The following STAT5B variants were observed in gnomAD, a reference collection of about 807,000 sequenced individuals.
The protein encoded by STAT5B is signal transducer and activator of transcription 5B.
Under a neutral mutation model 107.8 loss-of-function variants are expected in STAT5B, and 21 were observed. The ratio of observed to expected loss-of-function variants is 0.19; its 90% CI spans 0.14 to 0.28. STAT5B has a LOEUF of 0.28. Ranked by LOEUF, STAT5B falls within the 10% of genes least tolerant of loss-of-function variation. STAT5B has a pLI of 1.00. For synonymous variants in STAT5B, 325 were observed against 401.7 expected (o/e 0.81, Z 2.28); for missense variants, 565 against 1,008.2 (o/e 0.56, Z 5.95).
intron 15 of STAT5B, among the ~76,000 whole-genome samples, chr17:42,208,793 G>A (rs141225818): frequency 0.017 from 2,516 of 151,554 alleles, 31 homozygotes; most frequent in South Asian, 0.027. Flanking sequence ...GTGCAGTGGC[G>A]CGATCTCGGC....
chr17:42,256,975 A>G (rs1010085588), intron 1 of STAT5B, among the ~76,000 whole-genome samples: 3 of 151,332 alleles, frequency 2.0e-5, no homozygotes, highest in East Asian at 1.9e-4. Flanking sequence ...ATAATTATAT[A>G]TGCATAGGAA....
At chr17:42,259,536 TA>T (rs1353107450) in intron 1 of STAT5B, among the ~76,000 whole-genome samples, 1 of 151,950 alleles carries the variant, frequency 6.6e-6, no homozygotes, top group Non-Finnish European at 1.5e-5. Flanking sequence ...CCTGTAATCC[TA>T]ACAGTTTGGA....
intron 11 of STAT5B, 59 bp from the exon 12 acceptor site, chr17:42,216,165 C>CTTT: frequency 1.8e-6 from 2 of 1,129,758 alleles, no homozygotes; most frequent in Non-Finnish European, 2.4e-6. Context: ...CTCCTTCTCT[C>CTTT]TTTTTTTTTT....
chr17:42,231,424 C>A (rs1310373793), intron 2 of STAT5B, among the ~76,000 whole-genome samples: 2 of 152,156 alleles, frequency 1.3e-5, no homozygotes, highest in Non-Finnish European at 2.9e-5. Flanking sequence ...TTACAGCAAC[C>A]TTTGCCTCCC....
chr17:42,277,195 C>T (rs1403720423), upstream of STAT5B, among the ~76,000 whole-genome samples: 2 of 152,172 alleles, frequency 1.3e-5, no homozygotes, highest in Non-Finnish European at 2.9e-5. Flanking sequence ...CAGGCTGAGT[C>T]ACCCACTCTC....
At position 42,219,709 on chromosome 17, in the gene STAT5B, C is replaced by T. The variant is rs373321150; in HGVS notation, c.681+3G>A. Reference sequence around the variant, plus strand: ...CCCAGGAGAGGCCCAGGACCCCACTCACCACGCGGTACTGCTGCAGTGTCT... The same window carrying T: ...CCCAGGAGAGGCCCAGGACCCCACTTACCACGCGGTACTGCTGCAGTGTCT... On this transcript the variant is annotated splice_donor_region_variant and intron_variant, in intron 6 of 18. Coordinates refer to ENST00000293328, the MANE Select transcript of STAT5B (RefSeq NM_012448.4). 62 of 1,603,750 alleles carry T rather than the reference C, an allele frequency of 3.9e-5. No homozygotes were observed. The highest frequency in any genetic ancestry group is 4.9e-5 in the Non-Finnish European group (58 of 1,176,618).
intron 1 of STAT5B, among the ~76,000 whole-genome samples, chr17:42,247,671 G>A (rs2080462876): frequency 6.6e-6 from 1 of 152,170 alleles, no homozygotes; most frequent in Non-Finnish European, 1.5e-5. Context: ...ATCTTGGCCA[G>A]GTGTAGTGGC....
rs373036522 is a variant in STAT5B at position 42,212,113 on chromosome 17, G to A, written c.1551C>T (p.Ala517=). ...LCEALNMKFK[A]EVQSNRGLTK... Reference sequence around the variant, plus strand: ...TCAGGCCCCGGTTGCTCTGCACTTCGGCCTTGAATTTCATGTTGAGCGCCT... The same window carrying A: ...TCAGGCCCCGGTTGCTCTGCACTTCAGCCTTGAATTTCATGTTGAGCGCCT... Residue 517 remains alanine (A), a synonymous_variant, in exon 13 of 19, where the codon GCC becomes GCT. Coordinates refer to ENST00000293328, the MANE Select transcript of STAT5B (RefSeq NM_012448.4). 31 of 1,613,964 alleles carry A rather than the reference G, an allele frequency of 1.9e-5. No individual in the cohort carries two copies. The South Asian group carries it at 2.6e-4, about 14-fold the overall frequency.
the STAT5B span, among the ~76,000 whole-genome samples, chr17:42,284,781 T>C: frequency 6.6e-6 from 1 of 152,180 alleles, no homozygotes; most frequent in East Asian, 1.9e-4. Flanking sequence ...AGAAAGGTTA[T>C]ACTGAGACCC....
intron 1 of STAT5B, among the ~76,000 whole-genome samples, chr17:42,235,694 T>G (rs2040501263): frequency 6.6e-6 from 1 of 152,176 alleles, no homozygotes; most frequent in African/African-American, 2.4e-5. Flanking sequence ...GCCAGGATGG[T>G]CTTGGTCTCC....
At chr17:42,208,174 G>A (rs1052328274) in intron 15 of STAT5B, among the ~76,000 whole-genome samples, 2 of 152,082 alleles carry the variant, frequency 1.3e-5, no homozygotes, top group African/African-American at 2.4e-5. Context: ...TTACAGGCGT[G>A]AGCCACCGTG....
chr17:42,202,629 G>A, intron 17 of STAT5B, 128 bp downstream of exon 17: 1 of 1,549,932 alleles, frequency 6.5e-7, no homozygotes, highest in Admixed American at 1.7e-5. Context: ...ACCAAGCCCA[G>A]GTCCTTCCCC....
chr17:42,287,330 A>ACCCCCC, the STAT5B span, among the ~76,000 whole-genome samples: 9 of 144,520 alleles, frequency 6.2e-5, no homozygotes, highest in South Asian at 2.2e-4. Context: ...ATGAGAATGC[A>ACCCCCC]CCCCCCCCAA....
chr17:42,229,678 C>G (rs1473794741), intron 2 of STAT5B, among the ~76,000 whole-genome samples: 2 of 151,594 alleles, frequency 1.3e-5, no homozygotes, highest in East Asian at 3.9e-4. Flanking sequence ...AGAGACCAGC[C>G]TGGCCAACAT....
At chr17:42,210,551 T>A in intron 13 of STAT5B, 54 bp from the exon 14 acceptor site, 1 of 1,451,820 alleles carries the variant, frequency 6.9e-7, no homozygotes, top group Non-Finnish European at 9.7e-7. Context: ...ACTTGGAATA[T>A]TATACACATA....
intron 13 of STAT5B, among the ~76,000 whole-genome samples, chr17:42,210,873 G>A (rs2080122821): frequency 6.6e-6 from 1 of 152,116 alleles, no homozygotes; most frequent in Non-Finnish European, 1.5e-5. Flanking sequence ...CTTGGGGGTG[G>A]GGGGTGTAGG....
At position 42,201,039 on chromosome 17, in the gene STAT5B, G is replaced by A. The variant is rs965362106; in HGVS notation, c.*699C>T. On this transcript the variant is annotated 3_prime_UTR_variant, in exon 19 of 19. Transcript: ENST00000293328. The stretch of plus-strand genomic sequence containing the variant: ...TGAGTGGCAATTCCAGGGTGCGGGC[G>A]GGCAGGAGGGGAGAGAGGACAAAGA... 26 of 401,480 alleles carry A rather than the reference G, an allele frequency of 6.5e-5. No homozygotes were observed. Among genetic ancestry groups the A allele is most frequent in the Non-Finnish European group, 9.7e-5 (22 of 227,962 alleles). 24.9% of individuals were successfully genotyped at this position (401,480 alleles called of 1,614,324 possible).
upstream of STAT5B, among the ~76,000 whole-genome samples, chr17:42,281,112 C>A (rs1598349127): frequency 6.7e-6 from 1 of 149,120 alleles, no homozygotes; most frequent in Non-Finnish European, 1.5e-5. Context: ...CCAGCCTGGG[C>A]GACAGAGCGA....
At chr17:42,236,551 C>T (rs1236894027) in intron 1 of STAT5B, among the ~76,000 whole-genome samples, 1 of 152,176 alleles carries the variant, frequency 6.6e-6, no homozygotes, top group Non-Finnish European at 1.5e-5. Context: ...AAGCGATTCT[C>T]CTGCCTCAGC....
Sources: gnomAD v4.1 joint callset for allele counts (sites outside exome capture counted in the v4.1 genomes callset) on GRCh38, gnomAD v4.1.1 for gene constraint, MANE v1.5 for transcripts, NCBI Gene and HGNC (gene_info 2026-07-23, HGNC 2026-07-21) for gene names.